SLC38A8: variants seen among roughly 807,000 people sequenced by gnomAD.
SLC38A8 encodes amino acid transporter SLC38A8.
A neutral mutation model predicts 46.0 loss-of-function variants in SLC38A8; 65 were observed. That is an observed-to-expected ratio of 1.41 (90% CI 1.16 to 1.74). SLC38A8 has a LOEUF of 1.74. Among genes scored for constraint, SLC38A8 ranks in the 40% most tolerant of loss-of-function variants. The pLI is 0.00. For synonymous variants in SLC38A8, 447 were observed against 243.7 expected, an observed-to-expected ratio of 1.83 and a Z score of -7.77; for missense variants, 998 against 567.9, an observed-to-expected ratio of 1.76 and a Z score of -7.70.
chr16:84,020,141 G>GTT lies in SLC38A8; in HGVS notation c.805+2632_805+2633dup, dbSNP rs55834950. Among the ~76,000 whole-genome samples the GTT allele has an allele frequency of 6.5e-3, 890 of 136,092 alleles. 6 individuals are homozygous for GTT. Among genetic ancestry groups the GTT allele is most frequent in the Non-Finnish European group, 9.5e-3 (597 of 62,926 alleles). The allele number at this position is 136,092 out of a possible 152,430, so 89.3% of individuals were successfully genotyped here. On this transcript the variant is annotated intron_variant, in intron 7 of 10. Transcript: ENST00000299709. Reference sequence around the variant, plus strand: ...CCCTACGCTTTCCACAACATCCGTTGTTTTTTTTTTTTTTTTTGAGACAGG... The same window carrying GTT: ...CCCTACGCTTTCCACAACATCCGTTGTTTTTTTTTTTTTTTTTTTGAGACAGG...
chr16:84,031,476 T>C (rs371429380), intron 5 of SLC38A8, among the ~76,000 whole-genome samples: 3 of 152,228 alleles, frequency 2.0e-5, no homozygotes, highest in African/African-American at 7.2e-5. Context: ...TCCCCGCCCA[T>C]GCTCTCTGCC....
chr16:84,038,455 T>C (rs779002997), intron 2 of SLC38A8, among the ~76,000 whole-genome samples: 2 of 152,188 alleles, frequency 1.3e-5, no homozygotes, highest in African/African-American at 2.4e-5. Flanking sequence ...TGTGAGGCCA[T>C]CCATCCATCT....
chr16:84,028,155 C>G, intron 6 of SLC38A8, among the ~76,000 whole-genome samples: 1 of 151,916 alleles, frequency 6.6e-6, no homozygotes, highest in African/African-American at 2.4e-5. Context: ...GGCTACAAAG[C>G]TGAGATCCGG....
chr16:84,034,377 T>G (rs897209419), intron 3 of SLC38A8, among the ~76,000 whole-genome samples: 16 of 152,220 alleles, frequency 1.1e-4, no homozygotes, highest in African/African-American at 3.6e-4. Context: ...GGGGCCATTT[T>G]TATTCTGCCA....
At position 84,016,552 on chromosome 16, in the gene SLC38A8, C is replaced by G. The variant is rs2085027768; in HGVS notation, c.1129G>C (p.Gly377Arg). The G allele has an allele frequency of 3.7e-6, 6 of 1,614,094 alleles. No homozygotes were observed. The highest frequency in any genetic ancestry group is 4.2e-6 in the Non-Finnish European group (5 of 1,180,016). The change falls in exon 9 of 11, where the codon GGC becomes CGC. Residue 377 changes from glycine to arginine, a missense_variant. Gly to Arg is a moderately radical substitution (Grantham distance 125). Transcript: ENST00000299709. ...ATGAAGATGAAGAAGGAACTGATGC[C>G]TCCGATGATGCTGACGATCTCGCTG... is the stretch of plus-strand genomic sequence containing the variant. ...DLSEIVSIIGGISSFFIFIFP... is the reference protein window; with the variant it reads ...DLSEIVSIIGRISSFFIFIFP...
chr16:84,016,369 G>A, intron 9 of SLC38A8, 150 bp downstream of exon 9: 3 of 793,060 alleles, frequency 3.8e-6, no homozygotes, highest in Admixed American at 2.9e-5. Context: ...CCTGTGCCTG[G>A]CTCAATAAAA....
At chr16:84,031,647 C>G (rs978470547) in intron 5 of SLC38A8, among the ~76,000 whole-genome samples, 2 of 152,260 alleles carry the variant, frequency 1.3e-5, no homozygotes, top group African/African-American at 4.8e-5. Context: ...TTCTGCGTCC[C>G]TTGGCCTGTC....
chr16:84,025,961 C>G (rs1183757820), intron 6 of SLC38A8, among the ~76,000 whole-genome samples: 1 of 152,252 alleles, frequency 6.6e-6, no homozygotes, highest in Non-Finnish European at 1.5e-5. Flanking sequence ...GGGCTCACCC[C>G]ACACTCTCAG....
chr16:84,038,787 C>T (rs2085332021), intron 2 of SLC38A8, among the ~76,000 whole-genome samples: 1 of 152,126 alleles, frequency 6.6e-6, no homozygotes, highest in Non-Finnish European at 1.5e-5. Flanking sequence ...TAATTCCTGG[C>T]TACTCCCACT....
intron 3 of SLC38A8, among the ~76,000 whole-genome samples, chr16:84,034,671 G>C (rs192583581): frequency 2.0e-5 from 3 of 152,358 alleles, no homozygotes; most frequent in African/African-American, 7.2e-5. Context: ...TCAAGCGTAC[G>C]AAATGATGAA....
At position 84,010,163 on chromosome 16, in the gene SLC38A8, C is replaced by G. The variant is rs190729542; in HGVS notation, c.1215-286G>C. Among the ~76,000 whole-genome samples, 269 of 150,990 alleles carry G rather than the reference C, an allele frequency of 1.8e-3. 3 individuals are homozygous for G. Among genetic ancestry groups the G allele is most frequent in the African/African-American group, 6.4e-3 (264 of 40,954 alleles). Reference sequence around the variant, plus strand: ...TCGGCTCACTGCAGCCTCCACCTCCCGGGTTCAAGCAATTCTCCTGCCTCA... The same window carrying G: ...TCGGCTCACTGCAGCCTCCACCTCCGGGGTTCAAGCAATTCTCCTGCCTCA... On this transcript the variant is annotated intron_variant, in intron 10 of 10. Coordinates refer to ENST00000299709, the MANE Select transcript of SLC38A8 (RefSeq NM_001080442.3).
At chr16:84,017,111 A>G (rs200330123) in intron 8 of SLC38A8, 29 bp downstream of exon 8, 65 of 1,612,464 alleles carry the variant, frequency 4.0e-5, no homozygotes, top group Non-Finnish European at 5.1e-5. Flanking sequence ...ACCATGCTTC[A>G]CGGTGCCCCC....
At chr16:84,020,144 T>G (rs1026765591) in intron 7 of SLC38A8, among the ~76,000 whole-genome samples, 64 of 144,544 alleles carry the variant, frequency 4.4e-4, no homozygotes, top group Non-Finnish European at 5.7e-4. Context: ...ATCCGTTGTT[T>G]TTTTTTTTTT....
At chr16:84,034,543 G>T (rs2085280555) in intron 3 of SLC38A8, among the ~76,000 whole-genome samples, 1 of 152,208 alleles carries the variant, frequency 6.6e-6, no homozygotes, top group Non-Finnish European at 1.5e-5. Context: ...GGAGGCCGAG[G>T]AGCTTGAGAT....
intron 9 of SLC38A8, among the ~76,000 whole-genome samples, chr16:84,014,668 C>T (rs1597249710): frequency 6.6e-6 from 1 of 152,244 alleles, no homozygotes; most frequent in South Asian, 2.1e-4. Flanking sequence ...CCTCCCTTCA[C>T]TTCACTTCCC....
At chr16:84,019,751 A>C (rs2085073889) in intron 7 of SLC38A8, among the ~76,000 whole-genome samples, 1 of 152,254 alleles carries the variant, frequency 6.6e-6, no homozygotes. Flanking sequence ...TACTTCCAGG[A>C]CACAATGGCA....
rs140910258 is a variant in SLC38A8, at chr16:84,013,081, T to C, written c.1163-29A>G. On this transcript the variant is annotated intron_variant, in intron 9 of 10. Transcript: ENST00000299709. ...CAAAAAAGACAGGGTCACCCACAGTTCTTCGTTATCAAACCCAAAGCAACA... is the reference window on the plus strand; with the variant it reads ...CAAAAAAGACAGGGTCACCCACAGTCCTTCGTTATCAAACCCAAAGCAACA... 1.5e-4 allele frequency: 234 copies of C among 1,613,482 alleles called. No homozygotes were observed. In the African/African-American group the frequency reaches 2.7e-3, roughly 19 times the overall value.
At chr16:84,010,896 C>T (rs1192518849) in intron 10 of SLC38A8, among the ~76,000 whole-genome samples, 9 of 152,024 alleles carry the variant, frequency 5.9e-5, no homozygotes, top group Non-Finnish European at 1.2e-4. Context: ...GGGTAGGGGA[C>T]GAGGACGCAG....
intron 6 of SLC38A8, among the ~76,000 whole-genome samples, chr16:84,027,770 T>C (rs2085182507): frequency 6.6e-6 from 1 of 152,128 alleles, no homozygotes; most frequent in African/African-American, 2.4e-5. Context: ...GCTAGGAGAA[T>C]CCGGTGAGGG....
Sources: gnomAD v4.1 joint callset for allele counts (sites outside exome capture counted in the v4.1 genomes callset) on GRCh38, gnomAD v4.1.1 for gene constraint, MANE v1.5 for transcripts, NCBI Gene and HGNC (gene_info 2026-07-23, HGNC 2026-07-21) for gene names.